PDE4D: variants seen among roughly 807,000 people sequenced by gnomAD.
PDE4D encodes 3',5'-cyclic-AMP phosphodiesterase 4D.
PDE4D carries 24 observed loss-of-function variants against 87.4 expected under a neutral mutation model. That is an observed-to-expected ratio of 0.27 (90% CI 0.20 to 0.39). The LOEUF is 0.39. PDE4D is among the 10% of genes least tolerant of loss of function. The pLI, the probability that PDE4D is intolerant of heterozygous loss-of-function variation, is 1.00. For synonymous variants in PDE4D, 384 were observed against 383.2 expected (o/e 1.00, Z -0.02); for missense variants, 714 against 1,041.0 (o/e 0.69, Z 4.32).
intron 1 of PDE4D, among the ~76,000 whole-genome samples, chr5:59,285,224 A>AAG (rs1766690466): frequency 6.6e-6 from 1 of 150,818 alleles, no homozygotes; most frequent in African/African-American, 2.5e-5. Context: ...AAAAAAAAAA[A>AAG]AAAGAAAACA....
intron 1 of PDE4D, chr5:60,460,415 G>A: frequency 1.6e-6 from 2 of 1,218,970 alleles, no homozygotes; most frequent in Non-Finnish European, 2.4e-6. Context: ...TCCTCCTCCA[G>A]CAGGGCAGAC....
At chr5:60,117,304 T>C (rs1236878315) in intron 2 of PDE4D, among the ~76,000 whole-genome samples, 1 of 152,042 alleles carries the variant, frequency 6.6e-6, no homozygotes, top group Non-Finnish European at 1.5e-5. Context: ...TAAGGCCTAC[T>C]GGCCCTTTGT....
chr5:59,494,162 G>C (rs1227211849), intron 1 of PDE4D, among the ~76,000 whole-genome samples: 1 of 152,136 alleles, frequency 6.6e-6, no homozygotes, highest in Non-Finnish European at 1.5e-5. Context: ...GTTGCTACCT[G>C]GTGAGTTCAG....
chr5:59,550,293 C>T (rs748201421), intron 1 of PDE4D, among the ~76,000 whole-genome samples: 24 of 152,002 alleles, frequency 1.6e-4, no homozygotes, highest in Non-Finnish European at 2.6e-4. Flanking sequence ...ATATTTGGCT[C>T]ATTTTTTTTC....
At chr5:60,483,812 G>A (rs369333721) in intron 1 of PDE4D, among the ~76,000 whole-genome samples, 41 of 152,218 alleles carry the variant, frequency 2.7e-4, no homozygotes, top group Admixed American at 7.9e-4. Context: ...ATTTTAATAC[G>A]TTTTACTTAT....
chr5:60,112,116 G>C (rs1325449625), intron 2 of PDE4D, among the ~76,000 whole-genome samples: 3 of 151,952 alleles, frequency 2.0e-5, no homozygotes, highest in Non-Finnish European at 4.4e-5. Context: ...AAATGAACCA[G>C]GTAAAGCCTT....
intron 5 of PDE4D, among the ~76,000 whole-genome samples, chr5:59,051,470 C>T (rs1761544982): frequency 6.6e-6 from 1 of 152,206 alleles, no homozygotes; most frequent in African/African-American, 2.4e-5. Flanking sequence ...GACAGAGCAT[C>T]ACTTACACTG....
At chr5:60,464,509 C>T (rs999378529) in intron 1 of PDE4D, among the ~76,000 whole-genome samples, 1 of 152,146 alleles carries the variant, frequency 6.6e-6, no homozygotes, top group Non-Finnish European at 1.5e-5. Flanking sequence ...AAAAACTCTA[C>T]TCCTCTGGCA....
intron 1 of PDE4D, among the ~76,000 whole-genome samples, chr5:59,237,782 GGTGTGTGTGTGT>G (rs61375269): frequency 0.067 from 1,979 of 29,460 alleles, 59 homozygotes; most frequent in African/African-American, 0.2. Context: ...CCCTCATATA[GGTGTGTGTGTGT>G]GTGTGTGTGT....
At chr5:59,432,395 C>T (rs550353403) in intron 1 of PDE4D, among the ~76,000 whole-genome samples, 17 of 152,054 alleles carry the variant, frequency 1.1e-4, no homozygotes, top group South Asian at 6.2e-4. Flanking sequence ...CCTTTATTGA[C>T]GGACATATAA....
intron 5 of PDE4D, among the ~76,000 whole-genome samples, chr5:59,108,806 A>C (rs1205450548): frequency 1.3e-5 from 2 of 151,594 alleles, no homozygotes; most frequent in African/African-American, 4.9e-5. Context: ...CGGGAGTCTG[A>C]GGCAGGAGAA....
chr5:60,193,669 C>CAAAAAAAAAAAA (rs35340734), intron 1 of PDE4D, among the ~76,000 whole-genome samples: 7 of 46,858 alleles, frequency 1.5e-4, no homozygotes, highest in African/African-American at 5.5e-4. Context: ...GACTCCGTCT[C>CAAAAAAAAAAAA]AAAAAAAAAA....
At chr5:59,411,854 G>A (rs1237332251) in intron 1 of PDE4D, among the ~76,000 whole-genome samples, 1 of 152,154 alleles carries the variant, frequency 6.6e-6, no homozygotes, top group East Asian at 1.9e-4. Context: ...CAAATGTATT[G>A]CAAGTATTCT....
intron 1 of PDE4D, among the ~76,000 whole-genome samples, chr5:59,417,777 C>T (rs545337111): frequency 5.9e-5 from 9 of 152,316 alleles, no homozygotes; most frequent in Admixed American, 3.3e-4. Flanking sequence ...AATTGTACCA[C>T]TTAAACATTC....
At chr5:60,517,781 T>C (rs1750867927) in intron 1 of PDE4D, among the ~76,000 whole-genome samples, 1 of 152,156 alleles carries the variant, frequency 6.6e-6, no homozygotes, top group South Asian at 2.1e-4. Flanking sequence ...CCTCCAGTTG[T>C]CCCTGTACCT....
intron 1 of PDE4D, among the ~76,000 whole-genome samples, chr5:59,689,111 A>G: frequency 6.6e-6 from 1 of 152,214 alleles, no homozygotes; most frequent in South Asian, 2.1e-4. Context: ...CCAGGACCAG[A>G]GGGATTCACA....
chr5:60,397,389 TAA>T (rs1242558978), intron 1 of PDE4D, among the ~76,000 whole-genome samples: 1 of 152,202 alleles, frequency 6.6e-6, no homozygotes, highest in Non-Finnish European at 1.5e-5. Flanking sequence ...GGAATCAACC[TAA>T]GTTTCCATCA....
chr5:60,314,387 G>A (rs1481574277), intron 1 of PDE4D, among the ~76,000 whole-genome samples: 3 of 151,986 alleles, frequency 2.0e-5, no homozygotes, highest in African/African-American at 4.8e-5. Context: ...GGCTGGTCTC[G>A]AACTCCTGAG....
In PDE4D at chr5:59,893,382, G is replaced by C. The variant is rs1751261206; in HGVS notation, c.241C>G (p.Leu81Val). ...CCGGGCGGCGGCGGGGGCGGCGGCA[G>C]GGGGGGCGGCGGCGGCGGCTGTAGC... ...CPLQPPPPPP[L>V]PPPPPPPGAA... The change falls in exon 1 of 15, where the codon CTG (leucine) becomes GTG (valine). Residue 81 changes from leucine (L) to valine (V), a missense_variant. This residue lies in a region of PDE4D where 268 missense variants were observed against 272.9 expected (regional missense o/e 0.98). Coordinates refer to ENST00000340635, the MANE Select transcript of PDE4D (RefSeq NM_001104631.2). 1.6e-6 allele frequency: 2 copies of C among 1,251,402 alleles called. No individual in the cohort carries two copies. The highest frequency in any genetic ancestry group is 1.6e-5 in the African/African-American group (1 of 63,752). 77.5% of individuals were successfully genotyped at this position (1,251,402 alleles called of 1,614,324 possible).
Sources: gnomAD v4.1 joint callset for allele counts (sites outside exome capture counted in the v4.1 genomes callset) on GRCh38, gnomAD v4.1.1 for gene constraint, gnomAD v4.1.1 regional missense constraint, MANE v1.5 for transcripts, NCBI Gene and HGNC (gene_info 2026-07-23, HGNC 2026-07-21) for gene names.